The following CA8 variants were observed in gnomAD, a reference collection of about 807,000 sequenced individuals.
CA8 encodes the protein carbonic anhydrase 8 (inactive).
A neutral mutation model predicts 41.4 loss-of-function variants in CA8; 22 were observed. The observed-to-expected ratio is 0.53, with a 90% CI of 0.38 to 0.76. The LOEUF (loss-of-function observed/expected upper bound fraction) is 0.76. Among genes scored for constraint, CA8 ranks in the 30% least tolerant of loss-of-function variants. The probability of loss-of-function intolerance (pLI) is 0.00; values close to 1 mark genes in which losing one functional copy is unlikely to be tolerated. For synonymous variants in CA8, 121 were observed against 130.6 expected, an observed-to-expected ratio of 0.93 and a Z score of 0.50; for missense variants, 270 against 352.8, an observed-to-expected ratio of 0.77 and a Z score of 1.88.
At chr8:60,224,644 A>ATTCT in intron 5 of CA8, 59 bp from the exon 6 acceptor site, 2 of 1,091,642 alleles carry the variant, frequency 1.8e-6, no homozygotes, top group Non-Finnish European at 1.4e-6. Context: ...TTTTAGAATA[A>ATTCT]AAAATCTATT....
intron 8 of CA8, among the ~76,000 whole-genome samples, chr8:60,197,311 C>G (rs983424142): frequency 4.0e-5 from 6 of 151,630 alleles, no homozygotes; most frequent in Non-Finnish European, 4.4e-5. Flanking sequence ...ATAGCATGCA[C>G]AGTATAATCT....
At chr8:60,206,635 T>C (rs772188287) in intron 8 of CA8, among the ~76,000 whole-genome samples, 2 of 150,434 alleles carry the variant, frequency 1.3e-5, no homozygotes, top group Non-Finnish European at 3.0e-5. Context: ...CTCCTATCCA[T>C]CTTCACTGCT....
chr8:60,245,811 A>G (rs112165998), intron 3 of CA8, among the ~76,000 whole-genome samples: 3,584 of 152,326 alleles, frequency 0.024, 68 homozygotes, highest in African/African-American at 0.053. Flanking sequence ...TGAACCAAAA[A>G]AGCTCAACAA....
chr8:60,231,798 A>G (rs1807655301), intron 4 of CA8, among the ~76,000 whole-genome samples: 1 of 152,206 alleles, frequency 6.6e-6, no homozygotes, highest in South Asian at 2.1e-4. Context: ...CAAATGTTAT[A>G]TTGACTATAT....
At chr8:60,254,541 A>G (rs990261965) in intron 3 of CA8, among the ~76,000 whole-genome samples, 2 of 152,362 alleles carry the variant, frequency 1.3e-5, no homozygotes, top group African/African-American at 4.8e-5. Flanking sequence ...AAAATCTGTA[A>G]TATTTGTTCT....
chr8:60,228,797 T>A (rs1807534733), intron 4 of CA8, among the ~76,000 whole-genome samples: 1 of 152,204 alleles, frequency 6.6e-6, no homozygotes, highest in South Asian at 2.1e-4. Context: ...ATATAGTAGC[T>A]CTTAACGACT....
rs971018363 is a variant in CA8, at chr8:60,230,178, G to A, written c.513+2106C>T. On this transcript the variant is annotated intron_variant, in intron 4 of 8. Coordinates refer to ENST00000317995, the MANE Select transcript of CA8 (RefSeq NM_004056.6). ...TCCTGCCTTTCTCCACCTACAAATC[G>A]GCCCCATGTGTGTCCACACTTTCCT... Among the ~76,000 whole-genome samples the A allele has an allele frequency of 1.2e-4, 18 of 152,020 alleles. 1 individual carries two copies. Among genetic ancestry groups the A allele is most frequent in the Admixed American group, 1.1e-3 (17 of 15,264 alleles).
intron 7 of CA8, 69 bp from the exon 8 acceptor site, chr8:60,208,988 A>T: frequency 6.9e-7 from 1 of 1,457,958 alleles, no homozygotes; most frequent in Non-Finnish European, 9.6e-7. Flanking sequence ...AGTTTCATAA[A>T]TGACATGCAT....
chr8:60,252,183 C>T (rs1808478086), intron 3 of CA8, among the ~76,000 whole-genome samples: 1 of 152,152 alleles, frequency 6.6e-6, no homozygotes, highest in Non-Finnish European at 1.5e-5. Context: ...TGAAAAACAG[C>T]ATGAACAATA....
At chr8:60,232,257 A>G (rs766498562) in intron 4 of CA8, 27 bp downstream of exon 4, 26 of 1,544,270 alleles carry the variant, frequency 1.7e-5, no homozygotes, top group South Asian at 2.2e-5. Flanking sequence ...TCTCTAAACA[A>G]TACGATAATC....
intron 3 of CA8, among the ~76,000 whole-genome samples, chr8:60,238,007 G>A (rs1288264554): frequency 6.6e-6 from 1 of 152,192 alleles, no homozygotes; most frequent in Admixed American, 6.5e-5. Flanking sequence ...TACAGCTTCA[G>A]GGAAAATCTT....
At chr8:60,242,769 G>C (rs746002255) in intron 3 of CA8, among the ~76,000 whole-genome samples, 1 of 152,346 alleles carries the variant, frequency 6.6e-6, no homozygotes, top group African/African-American at 2.4e-5. Context: ...AGAAAATACA[G>C]AGCAAGTGCT....
intron 7 of CA8, among the ~76,000 whole-genome samples, chr8:60,222,187 T>A (rs1408985123): frequency 6.6e-6 from 1 of 152,116 alleles, no homozygotes; most frequent in African/African-American, 2.4e-5. Flanking sequence ...CGACCAAAAG[T>A]AGAGCTAGAA....
At chr8:60,254,934 A>G (rs1808573025) in intron 3 of CA8, among the ~76,000 whole-genome samples, 1 of 152,220 alleles carries the variant, frequency 6.6e-6, no homozygotes, top group Non-Finnish European at 1.5e-5. Context: ...AGACGGCTAA[A>G]ATGAACAAAC....
At chr8:60,210,240 A>C (rs1322310186) in intron 7 of CA8, among the ~76,000 whole-genome samples, 1 of 152,204 alleles carries the variant, frequency 6.6e-6, no homozygotes, top group Admixed American at 6.5e-5. Context: ...CAGGGTATTG[A>C]GCAAACGTGA....
At chr8:60,213,501 GAGA>G (rs1806912524) in intron 7 of CA8, among the ~76,000 whole-genome samples, 15 of 152,364 alleles carry the variant, frequency 9.8e-5, no homozygotes, top group Admixed American at 9.8e-4. Flanking sequence ...TCTCCCCAGA[GAGA>G]AGATCCTTGA....
chr8:60,226,423 C>A (rs544498766), intron 5 of CA8, among the ~76,000 whole-genome samples: 1 of 152,168 alleles, frequency 6.6e-6, no homozygotes, highest in East Asian at 1.9e-4. Flanking sequence ...TAAGCTGATG[C>A]TGACAATGTG....
Position 60,189,799 on chromosome 8 carries a change from G to C in CA8, c.*222C>G, listed in dbSNP as rs538468134. On this transcript the variant is annotated 3_prime_UTR_variant, in exon 9 of 9. Transcript: ENST00000317995. ...GCAGTAATGTGGATATATAATATAG[G>C]GTTTCTTTGGAATATACAGCCATTT... 6.6e-6 allele frequency: 1 copy of C among 152,470 alleles called. No individual in the cohort carries two copies. Among genetic ancestry groups the C allele is most frequent in the East Asian group, 1.9e-4 (1 of 5,172 alleles). The allele number at this position is 152,470 out of a possible 1,614,324, so 9.4% of individuals were successfully genotyped here. A position where few individuals can be genotyped will look rare whatever the true frequency, so the allele number is the denominator to read the frequency against.
At chr8:60,271,419 T>C (rs999221971) in intron 2 of CA8, among the ~76,000 whole-genome samples, 23 of 152,148 alleles carry the variant, frequency 1.5e-4, no homozygotes, top group Admixed American at 1.2e-3. Context: ...ATAAAAAAGA[T>C]AGAGCCTCTT....
Sources: gnomAD v4.1 joint callset for allele counts (sites outside exome capture counted in the v4.1 genomes callset) on GRCh38, gnomAD v4.1.1 for gene constraint, MANE v1.5 for transcripts, NCBI Gene and HGNC (gene_info 2026-07-23, HGNC 2026-07-21) for gene names.